ST8SIA2: variants seen among roughly 807,000 people sequenced by gnomAD.
The protein encoded by ST8SIA2 is ST8 alpha-N-acetyl-neuraminide alpha-2,8-sialyltransferase 2, also known as alpha-2,8-sialyltransferase 8B.
Under a neutral mutation model 37.6 loss-of-function variants are expected in ST8SIA2, and 22 were observed. The ratio of observed to expected loss-of-function variants is 0.58; its 90% CI spans 0.42 to 0.83. The LOEUF is 0.83. Among genes scored for constraint, ST8SIA2 ranks in the 40% least tolerant of loss-of-function variants. The pLI is 0.00. For missense variants in ST8SIA2, 382 were observed against 484.7 expected (o/e 0.79, Z 1.99); for synonymous variants, 205 against 201.2 (o/e 1.02, Z -0.16).
intron 2 of ST8SIA2, among the ~76,000 whole-genome samples, chr15:92,431,751 T>C (rs3784736): frequency 0.59 from 89,882 of 152,000 alleles, 27,523 homozygotes; most frequent in African/African-American, 0.73. Context: ...TTCTAATCCA[T>C]CCCCTTTATT....
At chr15:92,394,679 T>C (rs1018728572) in intron 1 of ST8SIA2, among the ~76,000 whole-genome samples, 6 of 151,786 alleles carry the variant, frequency 4.0e-5, no homozygotes, top group African/African-American at 1.5e-4. Flanking sequence ...AAGCGGAATG[T>C]CCCCTGCACA....
chr15:92,454,883 C>T (rs951513297), intron 5 of ST8SIA2, among the ~76,000 whole-genome samples: 2 of 152,012 alleles, frequency 1.3e-5, no homozygotes, highest in South Asian at 2.1e-4. Flanking sequence ...ATTACAACAT[C>T]GAAGGAGGCT....
At chr15:92,399,604 TTTA>T (rs2049455749) in intron 1 of ST8SIA2, among the ~76,000 whole-genome samples, 2 of 150,594 alleles carry the variant, frequency 1.3e-5, no homozygotes, top group African/African-American at 4.9e-5. Context: ...TGCATTTTTT[TTTA>T]AAAAAGCCCA....
At chr15:92,418,200 TC>T (rs2049601835) in intron 1 of ST8SIA2, among the ~76,000 whole-genome samples, 1 of 151,892 alleles carries the variant, frequency 6.6e-6, no homozygotes, top group Non-Finnish European at 1.5e-5. Context: ...ACGCCTATAA[TC>T]CCAGCAGTTT....
At position 92,438,385 on chromosome 15, in the gene ST8SIA2, A is replaced by G; in HGVS notation, c.323A>G (p.Lys108Arg). 6.2e-7 allele frequency: 1 copy of G among 1,614,232 alleles called. No individual in the cohort carries two copies. Among genetic ancestry groups the G allele is most frequent in the Non-Finnish European group, 8.5e-7 (1 of 1,180,044 alleles). The change falls in exon 4 of 6, where the codon AAG (lysine) becomes AGG (arginine). Residue 108 changes from lysine to arginine, a missense_variant. Transcript: ENST00000268164. The part of the protein sequence containing the change: ...KQILKFLDAE[K>R]DISVLKGTLK... ...ATTTTAAAGTTCTTGGATGCTGAAAAGGACATTTCTGTCCTAAAGGGAACC... is the reference window on the plus strand; with the variant it reads ...ATTTTAAAGTTCTTGGATGCTGAAAGGGACATTTCTGTCCTAAAGGGAACC...
At chr15:92,448,430 G>A (rs998209171) in intron 5 of ST8SIA2, among the ~76,000 whole-genome samples, 33 of 152,220 alleles carry the variant, frequency 2.2e-4, no homozygotes, top group African/African-American at 8.0e-4. Context: ...GAGGGATGCA[G>A]TACAAAGTCA....
At chr15:92,415,037 G>A (rs868121710) in intron 1 of ST8SIA2, among the ~76,000 whole-genome samples, 1 of 152,172 alleles carries the variant, frequency 6.6e-6, no homozygotes, top group Non-Finnish European at 1.5e-5. Context: ...AAGTGGGGAC[G>A]GAGGTCATGG....
At chr15:92,446,731 G>GAGC (rs2049845503) in intron 5 of ST8SIA2, among the ~76,000 whole-genome samples, 2 of 152,218 alleles carry the variant, frequency 1.3e-5, no homozygotes, top group Non-Finnish European at 2.9e-5. Flanking sequence ...TTTGAGCTAA[G>GAGC]TCTCAAGGGA....
intron 1 of ST8SIA2, among the ~76,000 whole-genome samples, chr15:92,410,613 T>C (rs1363972558): frequency 2.6e-5 from 4 of 152,240 alleles, no homozygotes; most frequent in Non-Finnish European, 5.9e-5. Context: ...CATAGTTAAA[T>C]GTGGTGATTT....
intron 1 of ST8SIA2, among the ~76,000 whole-genome samples, chr15:92,413,058 G>T (rs1046033996): frequency 6.6e-6 from 1 of 152,080 alleles, no homozygotes; most frequent in Non-Finnish European, 1.5e-5. Flanking sequence ...GGAGGGGGGT[G>T]AGTGTGCGTT....
In ST8SIA2 at chr15:92,394,112, C is replaced by T; in HGVS notation, c.48C>T (p.Leu16=). The change falls in exon 1 of 6, where the codon CTC becomes CTT. Residue 16 remains leucine, a synonymous_variant. Transcript: ENST00000268164. ...RSWMLAALTL[L]VVFLIFADIS... ...GGATGCTGGCCGCGCTCACGCTGCT[C>T]GTGGTCTTCCTCATCTTCGCAGACA... The T allele has an allele frequency of 1.3e-6, 2 of 1,560,200 alleles. No homozygotes were observed. Among genetic ancestry groups the T allele is most frequent in the Non-Finnish European group, 8.7e-7 (1 of 1,151,180 alleles).
chr15:92,453,298 G>C (rs573135295), intron 5 of ST8SIA2, among the ~76,000 whole-genome samples: 1 of 152,202 alleles, frequency 6.6e-6, no homozygotes, highest in South Asian at 2.1e-4. Flanking sequence ...ACGGGGCTTG[G>C]TGTCTGTCCC....
chr15:92,438,654 G>A (rs1004506128), intron 4 of ST8SIA2, 44 bp downstream of exon 4: 19 of 1,545,364 alleles, frequency 1.2e-5, no homozygotes, highest in South Asian at 7.5e-5. Context: ...GCGGCGGGCA[G>A]GCTGTGTTTC....
intron 1 of ST8SIA2, among the ~76,000 whole-genome samples, chr15:92,429,732 A>C (rs1233236157): frequency 6.6e-6 from 1 of 152,220 alleles, no homozygotes; most frequent in Non-Finnish European, 1.5e-5. Flanking sequence ...ATCCTGTGGG[A>C]TTCACCAGGG....
intron 5 of ST8SIA2, among the ~76,000 whole-genome samples, chr15:92,451,658 C>T (rs1037277826): frequency 6.6e-6 from 1 of 152,176 alleles, no homozygotes; most frequent in African/African-American, 2.4e-5. Flanking sequence ...TGCCACAGGA[C>T]ATGTAGGAAA....
chr15:92,440,847 GACGGCATATGTGAAT>G (rs1310450847), intron 4 of ST8SIA2, among the ~76,000 whole-genome samples: 1 of 152,200 alleles, frequency 6.6e-6, no homozygotes, highest in Admixed American at 6.5e-5. Context: ...CATTAAATGA[GACGGCATATGTGAAT>G]ACGCCTGGGA....
chr15:92,455,762 G>A (rs2049915669), intron 5 of ST8SIA2, among the ~76,000 whole-genome samples: 1 of 152,158 alleles, frequency 6.6e-6, no homozygotes, highest in African/African-American at 2.4e-5. Flanking sequence ...GCAAACATAT[G>A]CACATCTATA....
chr15:92,458,184 G>C (rs2049932811), intron 5 of ST8SIA2, among the ~76,000 whole-genome samples: 1 of 152,180 alleles, frequency 6.6e-6, no homozygotes. Flanking sequence ...GATGTGAGCT[G>C]GCAGGGGCTC....
intron 1 of ST8SIA2, among the ~76,000 whole-genome samples, chr15:92,427,260 CAAAAAAAAAA>C (rs55783719): frequency 1.9e-5 from 2 of 102,642 alleles, no homozygotes. Context: ...GGGCACTTGG[CAAAAAAAAAA>C]AAAAAAAAAA....
Sources: allele counts gnomAD v4.1 joint callset (sites outside exome capture counted in the v4.1 genomes callset), GRCh38; gene constraint gnomAD v4.1.1; transcripts MANE v1.5; gene names NCBI Gene and HGNC (gene_info 2026-07-23, HGNC 2026-07-21).